CCDC57: variants seen among roughly 807,000 people sequenced by gnomAD.
CCDC57 encodes coiled-coil domain-containing protein 57.
Under a neutral mutation model 118.9 loss-of-function variants are expected in CCDC57, and 118 were observed. That is an observed-to-expected ratio of 0.99 (90% confidence interval 0.86 to 1.16). CCDC57 has a LOEUF of 1.16. Among genes scored for constraint, CCDC57 ranks in the 50% most tolerant of loss-of-function variants. The pLI is 0.00. For synonymous variants in CCDC57, 527 were observed against 532.9 expected (o/e 0.99, Z 0.15); for missense variants, 1,300 against 1,320.7 (o/e 0.98, Z 0.24).
At chr17:82,113,259 C>G (rs1183556216) in intron 19 of CCDC57, 2 of 634,122 alleles carry the variant, frequency 3.2e-6, no homozygotes, top group Non-Finnish European at 2.9e-6. Flanking sequence ...TCAGGGCACC[C>G]CAGTGCTCCC....
chr17:82,107,507 C>A (rs779302048), intron 19 of CCDC57: 5 of 470,676 alleles, frequency 1.1e-5, no homozygotes, highest in African/African-American at 2.0e-5. Context: ...AGCGGACCCC[C>A]GCCAGAAAGG....
At position 82,126,954 on chromosome 17, in the gene CCDC57, C is replaced by A. The variant is rs1280779153; in HGVS notation, c.2899+738G>T. On this transcript the variant is annotated intron_variant, in intron 19 of 19. Coordinates refer to ENST00000665763, the Ensembl canonical transcript of CCDC57. ...GAAGGACGCACGCTCCCGCCCCAACCACATCACACGTCCCGCAACTCCAGC... is the reference window on the plus strand; with the variant it reads ...GAAGGACGCACGCTCCCGCCCCAACAACATCACACGTCCCGCAACTCCAGC... The A allele has an allele frequency of 4.1e-6, 4 of 985,256 alleles. No homozygotes were observed. In the African/African-American group the frequency reaches 7.0e-5, roughly 17 times the overall value. 61.0% of individuals were successfully genotyped at this position (985,256 alleles called of 1,614,324 possible).
At chr17:82,113,701 G>A in intron 19 of CCDC57, 1 of 713,828 alleles carries the variant, frequency 1.4e-6, no homozygotes. Flanking sequence ...GGGAGGCCAA[G>A]GCGGCAGGAC....
chr17:82,185,717 T>C (rs2046842898), intron 8 of CCDC57, among the ~76,000 whole-genome samples: 1 of 149,672 alleles, frequency 6.7e-6, no homozygotes, highest in African/African-American at 2.5e-5. Flanking sequence ...GAAAAACCTA[T>C]TAAGAACTAC....
chr17:82,131,511 TG>T (rs2038360428), intron 17 of CCDC57, among the ~76,000 whole-genome samples: 1 of 151,414 alleles, frequency 6.6e-6, no homozygotes, highest in Admixed American at 6.6e-5. Flanking sequence ...GAGGCAGAGG[TG>T]GGCAAATTGC....
chr17:82,189,439 C>T (rs977722567), intron 7 of CCDC57, among the ~76,000 whole-genome samples: 8 of 152,190 alleles, frequency 5.3e-5, no homozygotes, highest in Admixed American at 1.3e-4. Context: ...CCTACTGGGA[C>T]TGAGAGAGTG....
chr17:82,171,954 G>A (rs1040827646), intron 12 of CCDC57, 101 bp from the exon 12 acceptor site: 24 of 1,271,290 alleles, frequency 1.9e-5, no homozygotes, highest in South Asian at 1.3e-4. Context: ...GCTCATGCCC[G>A]CCAGCTTCAC....
At chr17:82,135,592 G>A (rs1021132840) in intron 16 of CCDC57, among the ~76,000 whole-genome samples, 1 of 152,166 alleles carries the variant, frequency 6.6e-6, no homozygotes, top group South Asian at 2.1e-4. Context: ...ACTTGGAAAT[G>A]AACGTGTTTC....
chr17:82,189,409 G>A (rs2047379064), intron 7 of CCDC57, among the ~76,000 whole-genome samples: 1 of 152,156 alleles, frequency 6.6e-6, no homozygotes, highest in Admixed American at 6.5e-5. Flanking sequence ...AAGCCATCTC[G>A]GTGAAGTCTT....
At chr17:82,151,795 G>A in intron 15 of CCDC57, 22 bp from the exon 15 acceptor site, 2 of 1,544,756 alleles carry the variant, frequency 1.3e-6, no homozygotes, top group Non-Finnish European at 8.7e-7. Context: ...CTCACAGGCA[G>A]ACACCCCTGT....
chr17:82,184,801 C>T (rs886507281), intron 8 of CCDC57, among the ~76,000 whole-genome samples: 20 of 152,314 alleles, frequency 1.3e-4, no homozygotes, highest in African/African-American at 4.6e-4. Context: ...AAAAAGCCAC[C>T]CTGCCAACAG....
chr17:82,135,496 A>T (rs897779992), intron 16 of CCDC57: 3 of 152,216 alleles, frequency 2.0e-5, no homozygotes, highest in Admixed American at 1.3e-4. Context: ...GCATCGCAGG[A>T]TTAGCTCTGC....
At chr17:82,194,207 T>C in intron 5 of CCDC57, 68 bp from the exon 5 acceptor site, 5 of 1,491,398 alleles carry the variant, frequency 3.4e-6, no homozygotes, top group Non-Finnish European at 4.6e-6. Flanking sequence ...TAGGGGTACA[T>C]ACTGCTGTTT....
At chr17:82,159,458 C>G (rs2146006037) in intron 14 of CCDC57, among the ~76,000 whole-genome samples, 1 of 152,306 alleles carries the variant, frequency 6.6e-6, no homozygotes, top group South Asian at 2.1e-4. Context: ...GGATCTTCAA[C>G]TGCCTCGACA....
intron 16 of CCDC57, among the ~76,000 whole-genome samples, chr17:82,150,441 G>A (rs1182065997): frequency 1.5e-5 from 2 of 131,072 alleles, no homozygotes; most frequent in African/African-American, 5.9e-5. Context: ...CTAGAACCAG[G>A]CACACACCCA....
At chr17:82,148,365 GTGGA>G (rs1254036936) in intron 16 of CCDC57, among the ~76,000 whole-genome samples, 188 of 878 alleles carry the variant, frequency 0.21, 23 homozygotes, top group Admixed American at 0.3. Context: ...GGATGGATGG[GTGGA>G]TGGGTGGGTG....
intron 8 of CCDC57, among the ~76,000 whole-genome samples, 175 bp downstream of exon 7, chr17:82,188,040 TAAAG>T (rs1215157462): frequency 1.8e-5 from 2 of 109,136 alleles, no homozygotes; most frequent in Non-Finnish European, 3.9e-5. Context: ...ATTTCAAAAA[TAAAG>T]AAAAGGCAAA....
intron 17 of CCDC57, among the ~76,000 whole-genome samples, chr17:82,133,234 C>T (rs895531108): frequency 1.2e-4 from 18 of 151,858 alleles, no homozygotes; most frequent in African/African-American, 4.4e-4. Flanking sequence ...AGCCATTAGG[C>T]ATGGTGGTAC....
chr17:82,138,824 C>T (rs1018999579), intron 16 of CCDC57, among the ~76,000 whole-genome samples: 2 of 152,200 alleles, frequency 1.3e-5, no homozygotes, highest in South Asian at 2.1e-4. Flanking sequence ...ATTAGAGTCC[C>T]GAAGCCATTT....
Sources: allele counts gnomAD v4.1 joint callset (sites outside exome capture counted in the v4.1 genomes callset), GRCh38; gene constraint gnomAD v4.1.1; transcripts MANE v1.5; gene names NCBI Gene and HGNC (gene_info 2026-07-23, HGNC 2026-07-21).